Variants in OGA observed in about 807,000 individuals in gnomAD.
OGA encodes protein O-GlcNAcase.
In OGA, 21 loss-of-function variants were observed where a neutral mutation model predicts 102.0. The ratio of observed to expected loss-of-function variants is 0.21; its 90% CI spans 0.15 to 0.30. OGA has a LOEUF of 0.30. OGA is among the 10% of genes least tolerant of loss of function. The pLI is 1.00. For missense variants in OGA, 765 were observed against 1,107.8 expected (o/e 0.69, Z 4.39); for synonymous variants, 408 against 378.2 (o/e 1.08, Z -0.91).
chr10:101,818,339 T>C lies in OGA; in HGVS notation c.-317A>G. The C allele has an allele frequency of 1.8e-6, 2 of 1,129,358 alleles. No individual in the cohort carries two copies. The highest frequency in any genetic ancestry group is 2.2e-6 in the Non-Finnish European group (2 of 919,614). The allele number at this position is 1,129,358 out of a possible 1,614,324, so 70.0% of individuals were successfully genotyped here. ...GGCCAAGGGTCCTGTCCTCGTTCTCTGCCTCTGCTGCCCTCCCGATAATCT... is the reference window on the plus strand; with the variant it reads ...GGCCAAGGGTCCTGTCCTCGTTCTCCGCCTCTGCTGCCCTCCCGATAATCT... On this transcript the variant is annotated 5_prime_UTR_variant, in exon 1 of 16. Transcript: ENST00000361464.
chr10:101,796,271 C>A (rs577788921), intron 10 of OGA, among the ~76,000 whole-genome samples: 3 of 152,068 alleles, frequency 2.0e-5, no homozygotes, highest in African/African-American at 7.2e-5. Context: ...AGCCTCCCCC[C>A]AGCCCCACAA....
rs1473761477 is a variant in OGA, at chr10:101,808,901, T to C, written c.481-1000A>G. Among the ~76,000 whole-genome samples the C allele has an allele frequency of 2.6e-5, 4 of 151,320 alleles. No homozygotes were observed. The East Asian group carries it at 7.8e-4, about 29-fold the overall frequency. On this transcript the variant is annotated intron_variant, in intron 4 of 15. Transcript: ENST00000361464. ...CAGAGAATTGCTTGAACCCAGGAGG[T>C]AGAGGTTGCAATGAGCTGAGATCGC...
intron 7 of OGA, among the ~76,000 whole-genome samples, chr10:101,802,540 A>G (rs2065406742): frequency 6.6e-6 from 1 of 151,760 alleles, no homozygotes; most frequent in South Asian, 2.1e-4. Context: ...ATGGTGGCGC[A>G]TGCCTGTAAT....
intron 14 of OGA, among the ~76,000 whole-genome samples, chr10:101,788,546 C>A (rs2065219173): frequency 6.6e-6 from 1 of 151,534 alleles, no homozygotes; most frequent in Admixed American, 6.6e-5. Flanking sequence ...ACCAGCCTGG[C>A]CAACATCGTG....
In OGA at chr10:101,804,565, G is replaced by A. The variant is rs1000224430; in HGVS notation, c.752-546C>T. Reference sequence around the variant, plus strand: ...TGGGATTACAGGCGTGAGCCACTGCGCCTGGCCCCTTACATGTACATTTTA... The same window carrying A: ...TGGGATTACAGGCGTGAGCCACTGCACCTGGCCCCTTACATGTACATTTTA... On this transcript the variant is annotated intron_variant, in intron 6 of 15. Transcript: ENST00000361464. Among the ~76,000 whole-genome samples the A allele has an allele frequency of 2.6e-5, 4 of 152,058 alleles. No individual in the cohort carries two copies. In the East Asian group the frequency reaches 7.7e-4, roughly 29 times the overall value.
At chr10:101,813,501 G>C in intron 2 of OGA, 54 bp downstream of exon 2, 1 of 1,155,082 alleles carries the variant, frequency 8.7e-7, no homozygotes, top group African/African-American at 1.6e-5. Flanking sequence ...TCAAACAAAA[G>C]AAAATGTTAA....
intron 5 of OGA, among the ~76,000 whole-genome samples, 159 bp from the exon 6 acceptor site, chr10:101,806,302 A>G (rs2065473295): frequency 6.6e-6 from 1 of 152,218 alleles, no homozygotes. Flanking sequence ...TCCTGGGCTC[A>G]AGCAATTCTC....
At chr10:101,811,409 A>G (rs2065555750) in intron 3 of OGA, among the ~76,000 whole-genome samples, 2 of 96,800 alleles carry the variant, frequency 2.1e-5, no homozygotes, top group African/African-American at 3.1e-5. Flanking sequence ...AAAAAATGAA[A>G]AAAAAAAAAA....
chr10:101,818,429 C>T lies in OGA; in HGVS notation c.-407G>A, dbSNP rs1439872638. On this transcript the variant is annotated 5_prime_UTR_variant, in exon 1 of 16. Transcript: ENST00000361464. ...CCTCTGCTGCTGCCTCCACCGCCCG[C>T]TTCCTGTTTATCCGCACTGCGCTTG... The T allele has an allele frequency of 1.8e-5, 18 of 1,009,796 alleles. No homozygotes were observed. The highest frequency in any genetic ancestry group is 1.8e-5 in the Non-Finnish European group (15 of 845,412). The allele number at this position is 1,009,796 out of a possible 1,614,324, so 62.6% of individuals were successfully genotyped here. A position where few individuals can be genotyped will look rare whatever the true frequency, so the allele number is the denominator to read the frequency against.
rs1401198819 is a variant in OGA, at chr10:101,803,716, TC to T, written c.1036+18del. On this transcript the variant is annotated intron_variant, in intron 7 of 15. Transcript: ENST00000361464. Reference sequence around the variant, plus strand: ...CCAGCTCTCCTCCCAAGGTGAAAGATCAAGTACAGGCTACTTACTCATCACT... The same window carrying T: ...CCAGCTCTCCTCCCAAGGTGAAAGATAAGTACAGGCTACTTACTCATCACT... 2 of 1,603,296 alleles carry T rather than the reference TC, an allele frequency of 1.2e-6. No individual in the cohort carries two copies. Among genetic ancestry groups the T allele is most frequent in the Admixed American group, 1.7e-5 (1 of 59,694 alleles).
intron 10 of OGA, chr10:101,797,129 A>G (rs527545242): frequency 9.2e-5 from 14 of 151,936 alleles, no homozygotes; most frequent in African/African-American, 2.9e-4. Flanking sequence ...GGTGTTTCAG[A>G]TATCTATTTC....
chr10:101,801,821 CA>C (rs1418123746), intron 7 of OGA, among the ~76,000 whole-genome samples: 4 of 152,106 alleles, frequency 2.6e-5, no homozygotes, highest in African/African-American at 9.7e-5. Context: ...CTTCAGTAGC[CA>C]AAATGGGCCA....
chr10:101,786,933 G>T (rs1384863434), intron 15 of OGA, among the ~76,000 whole-genome samples: 1 of 152,134 alleles, frequency 6.6e-6, no homozygotes, highest in Non-Finnish European at 1.5e-5. Flanking sequence ...ACTCTTAGTA[G>T]AGACAGGGTT....
rs1296845683 is a variant in OGA, at chr10:101,806,093, T to A, written c.703A>T (p.Arg235Trp). ...YPNVSQSPYL[R>W]TVGEKLLPGI... ...GGTAGAAGCTTTTCACCCACAGTCC[T>A]TAAATATGGAGACTGAGACACATTT... Residue 235 changes from arginine to tryptophan, a missense_variant, in exon 6 of 16, where the codon AGG becomes TGG. By Grantham distance (101) the Arg-to-Trp change is moderately radical. Transcript: ENST00000361464. 2 of 1,612,380 alleles carry A rather than the reference T, an allele frequency of 1.2e-6. No homozygotes were observed. The highest frequency in any genetic ancestry group is 1.3e-5 in the African/African-American group (1 of 74,882).
At chr10:101,806,969 TAAAAG>T (rs1270844064) in intron 5 of OGA, among the ~76,000 whole-genome samples, 1 of 152,056 alleles carries the variant, frequency 6.6e-6, no homozygotes, top group Non-Finnish European at 1.5e-5. Flanking sequence ...AATACAAACT[TAAAAG>T]TAAAATTTAA....
At chr10:101,798,817 C>A in intron 9 of OGA, 25 bp downstream of exon 9, 2 of 1,593,564 alleles carry the variant, frequency 1.3e-6, no homozygotes, top group Non-Finnish European at 1.7e-6. Flanking sequence ...CAGGCTTCAG[C>A]AGCAGGTACA....
Position 101,786,289 on chromosome 10 carries a change from T to G in OGA, c.*162A>C, listed in dbSNP as rs1245103108. On this transcript the variant is annotated 3_prime_UTR_variant, in exon 16 of 16. Transcript: ENST00000361464. ...ATACTATATTCTTCCAACCAGTGAG[T>G]AGTCTCAAAGTGTGATGGGTGAGTT... 1 of 601,592 alleles carries G rather than the reference T, an allele frequency of 1.7e-6. No individual in the cohort carries two copies. Among genetic ancestry groups the G allele is most frequent in the Non-Finnish European group, 2.6e-6 (1 of 384,296 alleles). 37.3% of individuals were successfully genotyped at this position (601,592 alleles called of 1,614,324 possible).
intron 14 of OGA, among the ~76,000 whole-genome samples, chr10:101,789,205 T>C (rs1301778556): frequency 6.6e-6 from 1 of 152,100 alleles, no homozygotes; most frequent in Non-Finnish European, 1.5e-5. Flanking sequence ...AAATAAACTA[T>C]GAAGAAAATG....
intron 8 of OGA, 76 bp from the exon 9 acceptor site, chr10:101,799,531 A>ATCTAATCT: frequency 7.2e-7 from 1 of 1,398,310 alleles, no homozygotes; most frequent in Non-Finnish European, 9.7e-7. Context: ...CATTAGATTC[A>ATCTAATCT]GAAAGATGCT....
Sources: gnomAD v4.1 joint callset for allele counts (sites outside exome capture counted in the v4.1 genomes callset) on GRCh38, gnomAD v4.1.1 for gene constraint, MANE v1.5 for transcripts, NCBI Gene and HGNC (gene_info 2026-07-23, HGNC 2026-07-21) for gene names.